Variants in FRMD4A observed in about 807,000 individuals in gnomAD.
FRMD4A encodes the protein FERM domain containing 4A.
Under a neutral mutation model 129.1 loss-of-function variants are expected in FRMD4A, and 29 were observed. That is an observed-to-expected ratio of 0.22 (90% CI 0.17 to 0.31). FRMD4A has a LOEUF of 0.31. Among genes scored for constraint, FRMD4A ranks in the 10% least tolerant of loss-of-function variants. The probability of loss-of-function intolerance (pLI) is 1.00; values close to 1 mark genes in which losing one functional copy is unlikely to be tolerated. For synonymous variants in FRMD4A, 634 were observed against 571.6 expected, an observed-to-expected ratio of 1.11 and a Z score of -1.56; for missense variants, 1,272 against 1,375.8, an observed-to-expected ratio of 0.92 and a Z score of 1.19.
At chr10:14,114,069 GT>G (rs1174773809) in intron 2 of FRMD4A, among the ~76,000 whole-genome samples, 1 of 152,180 alleles carries the variant, frequency 6.6e-6, no homozygotes, top group Non-Finnish European at 1.5e-5. Context: ...GTACTTGTGG[GT>G]ATGGCTGCTT....
At chr10:14,043,893 C>A (rs766783105) in intron 2 of FRMD4A, among the ~76,000 whole-genome samples, 14 of 152,120 alleles carry the variant, frequency 9.2e-5, no homozygotes, top group Non-Finnish European at 1.5e-5. Flanking sequence ...GTGGTGCAAT[C>A]ACAGCTCACT....
At chr10:14,177,660 T>A (rs555430879) in intron 2 of FRMD4A, among the ~76,000 whole-genome samples, 1 of 152,346 alleles carries the variant, frequency 6.6e-6, no homozygotes, top group East Asian at 1.9e-4. Flanking sequence ...AAAATTCGAC[T>A]GATTGCATGT....
chr10:13,986,368 A>G (rs1431361965), intron 2 of FRMD4A, among the ~76,000 whole-genome samples: 1 of 151,342 alleles, frequency 6.6e-6, no homozygotes, highest in Admixed American at 6.6e-5. Context: ...GAAATTGGAA[A>G]TCATCATTCT....
chr10:14,163,493 T>C (rs1286562418), intron 2 of FRMD4A, among the ~76,000 whole-genome samples: 1 of 152,246 alleles, frequency 6.6e-6, no homozygotes, highest in Non-Finnish European at 1.5e-5. Context: ...GTGTTCCCAT[T>C]TGTTTTCAGG....
intron 2 of FRMD4A, among the ~76,000 whole-genome samples, chr10:14,279,448 C>G (rs1383098385): frequency 6.6e-6 from 1 of 152,142 alleles, no homozygotes; most frequent in Non-Finnish European, 1.5e-5. Context: ...ATCCACCCAC[C>G]TCGACCTCCC....
intron 2 of FRMD4A, among the ~76,000 whole-genome samples, chr10:14,157,141 T>C (rs1434591314): frequency 6.6e-6 from 1 of 152,230 alleles, no homozygotes; most frequent in Non-Finnish European, 1.5e-5. Context: ...TGACTCTTCC[T>C]GTGCTCCTTA....
At chr10:14,131,558 T>C (rs906171610) in intron 2 of FRMD4A, among the ~76,000 whole-genome samples, 1 of 152,232 alleles carries the variant, frequency 6.6e-6, no homozygotes, top group Non-Finnish European at 1.5e-5. Flanking sequence ...GTTAAGTGCC[T>C]GTGGCTCCAT....
At chr10:14,167,860 C>T (rs1177585869) in intron 2 of FRMD4A, among the ~76,000 whole-genome samples, 2 of 152,062 alleles carry the variant, frequency 1.3e-5, no homozygotes, top group Non-Finnish European at 2.9e-5. Flanking sequence ...GTGTGAAGTA[C>T]GCCAGGCTCA....
intron 2 of FRMD4A, among the ~76,000 whole-genome samples, chr10:13,973,938 T>G (rs889687972): frequency 6.6e-6 from 1 of 152,124 alleles, no homozygotes; most frequent in Non-Finnish European, 1.5e-5. Context: ...TCTGAACTAA[T>G]GCTCTCCAAC....
chr10:14,016,518 T>C (rs1043326127), intron 2 of FRMD4A, among the ~76,000 whole-genome samples: 10 of 152,248 alleles, frequency 6.6e-5, no homozygotes, highest in African/African-American at 2.4e-4. Context: ...GGTCCACGTT[T>C]CATCTGCCTG....
intron 2 of FRMD4A, among the ~76,000 whole-genome samples, chr10:14,241,682 C>CCAAAAAAAAAAAAA (rs1844048288): frequency 2.5e-5 from 1 of 40,758 alleles, no homozygotes; most frequent in Non-Finnish European, 4.3e-5. Context: ...TTTACCCTCC[C>CCAAAAAAAAAAAAA]TAAAAAAAAA....
intron 2 of FRMD4A, among the ~76,000 whole-genome samples, chr10:13,961,053 ACC>A (rs1244003698): frequency 1.3e-5 from 2 of 152,082 alleles, no homozygotes; most frequent in African/African-American, 4.8e-5. Context: ...TTAATTGATG[ACC>A]CCTATAATAA....
chr10:13,798,512 G>C (rs61833394), intron 4 of FRMD4A, among the ~76,000 whole-genome samples: 9 of 151,998 alleles, frequency 5.9e-5, no homozygotes, highest in Non-Finnish European at 1.2e-4. Context: ...GTCAGGAGAT[G>C]GAGACCATCC....
In FRMD4A at chr10:14,184,811, T is replaced by A. The variant is rs906748636; in HGVS notation, c.45+145247A>T. Among the ~76,000 whole-genome samples the A allele has an allele frequency of 7.9e-5, 12 of 152,314 alleles. 1 individual carries two copies. Among genetic ancestry groups the A allele is most frequent in the African/African-American group, 2.9e-4 (12 of 41,574 alleles). On this transcript the variant is annotated intron_variant, in intron 2 of 24. Coordinates refer to ENST00000357447, the MANE Select transcript of FRMD4A (RefSeq NM_018027.5). ...AATAAAGGCGCATTTTCTTATTTAT[T>A]TATTTTTTATTTTTTAAGGAAATGA...
intron 2 of FRMD4A, among the ~76,000 whole-genome samples, chr10:13,980,353 A>C (rs2095556319): frequency 6.6e-6 from 1 of 152,214 alleles, no homozygotes. Context: ...GTAAAAACAA[A>C]AAAAATCTAT....
chr10:14,082,746 G>C (rs566168216), intron 2 of FRMD4A, among the ~76,000 whole-genome samples: 6 of 152,214 alleles, frequency 3.9e-5, no homozygotes, highest in African/African-American at 1.4e-4. Context: ...TCCCTCCCAT[G>C]GCATTTTTGG....
intron 2 of FRMD4A, among the ~76,000 whole-genome samples, chr10:13,948,367 A>C (rs1156919922): frequency 1.3e-5 from 2 of 152,026 alleles, no homozygotes; most frequent in Admixed American, 6.6e-5. Flanking sequence ...TCTATTTTAC[A>C]TATTCGGAGT....
intron 2 of FRMD4A, among the ~76,000 whole-genome samples, chr10:14,176,566 C>A (rs1841736753): frequency 6.6e-6 from 1 of 151,176 alleles, no homozygotes; most frequent in African/African-American, 2.4e-5. Context: ...TCTCCGCCTC[C>A]CAGGTTCATG....
chr10:13,730,649 C>G (rs1219436709), intron 12 of FRMD4A, among the ~76,000 whole-genome samples: 1 of 152,040 alleles, frequency 6.6e-6, no homozygotes. Flanking sequence ...TCTTTCTATT[C>G]CCACACATAT....
Sources: allele counts gnomAD v4.1 joint callset (sites outside exome capture counted in the v4.1 genomes callset), GRCh38; gene constraint gnomAD v4.1.1; transcripts MANE v1.5; gene names NCBI Gene and HGNC (gene_info 2026-07-23, HGNC 2026-07-21).